NT5M: variants seen among roughly 807,000 people sequenced by gnomAD.
The protein encoded by NT5M is 5',3'-nucleotidase, mitochondrial.
NT5M carries 22 observed loss-of-function variants against 22.2 expected under a neutral mutation model. The observed-to-expected ratio is 0.99, with a 90% CI of 0.71 to 1.41. NT5M has a LOEUF of 1.41. Ranked by LOEUF, NT5M falls within the 40% of genes most tolerant of loss-of-function variation. The probability of loss-of-function intolerance (pLI) is 0.00; values close to 1 mark genes in which losing one functional copy is unlikely to be tolerated. For missense variants in NT5M, 322 were observed against 314.8 expected, an observed-to-expected ratio of 1.02 and a Z score of -0.17; for synonymous variants, 167 against 133.0, an observed-to-expected ratio of 1.26 and a Z score of -1.76.
At chr17:17,310,472 T>G (rs1045284302) in intron 2 of NT5M, among the ~76,000 whole-genome samples, 2 of 152,084 alleles carry the variant, frequency 1.3e-5, no homozygotes, top group Non-Finnish European at 2.9e-5. Flanking sequence ...GACAAACCAA[T>G]TGAAAACCTC....
At chr17:17,320,045 T>G (rs1425553954) in intron 2 of NT5M, among the ~76,000 whole-genome samples, 1 of 152,228 alleles carries the variant, frequency 6.6e-6, no homozygotes, top group Non-Finnish European at 1.5e-5. Context: ...TTTCACCATG[T>G]TGACCAGGCT....
intron 3 of NT5M, among the ~76,000 whole-genome samples, chr17:17,344,449 A>AGGTGGCAGG (rs1376970997): frequency 6.6e-6 from 1 of 152,152 alleles, no homozygotes; most frequent in East Asian, 1.9e-4. Flanking sequence ...GTGGCCCAGC[A>AGGTGGCAGG]GGTGGCAGGG....
rs757556042 is a variant in NT5M at position 17,303,796 on chromosome 17, CCGCCTGCGGCCAGGGCTGAG to C, written c.249_267+1del. 1.3e-6 allele frequency: 2 copies of C among 1,543,108 alleles called. No homozygotes were observed. The highest frequency in any genetic ancestry group is 5.0e-5 in the East Asian group (2 of 39,638). On this transcript the variant is annotated frameshift_variant and splice_region_variant, in exon 1 of 5. Coordinates refer to ENST00000389022, the MANE Select transcript of NT5M (RefSeq NM_020201.4). LOFTEE classifies it high-confidence loss of function. The stretch of plus-strand genomic sequence containing the variant: ...GCTTCTGGGTGTCGGAGCAGTACGG[CCGCCTGCGGCCAGGGCTGAG>C]CGTGAGCGTCCCCGCCCCGCCCCGC...
chr17:17,318,526 G>A (rs2049082066), intron 2 of NT5M, among the ~76,000 whole-genome samples: 1 of 142,368 alleles, frequency 7.0e-6, no homozygotes. Context: ...TGGCTCAAGT[G>A]TGTAATCCCA....
chr17:17,312,055 C>T (rs2145332505), intron 2 of NT5M, among the ~76,000 whole-genome samples: 1 of 152,300 alleles, frequency 6.6e-6, no homozygotes, highest in South Asian at 2.1e-4. Flanking sequence ...AATCTCATTC[C>T]CAGATGTCAG....
intron 2 of NT5M, among the ~76,000 whole-genome samples, chr17:17,313,743 GCAGGCAGGAACTGCTGCTCC>G (rs2048967325): frequency 6.6e-6 from 1 of 152,238 alleles, no homozygotes; most frequent in Non-Finnish European, 1.5e-5. Context: ...GCTCAGGCAG[GCAGGCAGGAACTGCTGCTCC>G]CCGGGAGGCC....
At chr17:17,330,852 C>T (rs1259497600) in intron 3 of NT5M, among the ~76,000 whole-genome samples, 3 of 150,776 alleles carry the variant, frequency 2.0e-5, no homozygotes, top group Non-Finnish European at 2.9e-5. Flanking sequence ...ACGCCATTCT[C>T]CTGCCTCAGC....
At chr17:17,343,658 G>C (rs569753384) in intron 3 of NT5M, among the ~76,000 whole-genome samples, 1 of 152,180 alleles carries the variant, frequency 6.6e-6, no homozygotes. Context: ...GGGTGGCAGA[G>C]CCCTGAGCTC....
rs1379074465 is a variant in NT5M, at chr17:17,344,845, CTGACCA to C, written c.482_487del (p.Leu161_Thr162del). 6.2e-7 allele frequency: 1 copy of C among 1,614,232 alleles called. No individual in the cohort carries two copies. Among genetic ancestry groups the C allele is most frequent in the Admixed American group, 1.7e-5 (1 of 60,026 alleles). On this transcript the variant is annotated inframe_deletion, in exon 4 of 5. Coordinates refer to ENST00000389022, the MANE Select transcript of NT5M (RefSeq NM_020201.4). ...CCCTGACTTTCTGGAGCAGATTGTGCTGACCAGAGACAAGACCGTGGTCTCTGCTGA... is the reference window on the plus strand; with the variant it reads ...CCCTGACTTTCTGGAGCAGATTGTGCGAGACAAGACCGTGGTCTCTGCTGA...
intron 1 of NT5M, among the ~76,000 whole-genome samples, chr17:17,305,826 G>A (rs1201418966): frequency 1.3e-5 from 2 of 152,090 alleles, no homozygotes; most frequent in Non-Finnish European, 2.9e-5. Flanking sequence ...TGGGGAGTGG[G>A]GAGGAGAGGG....
rs1403034985 is a variant in NT5M at position 17,303,803 on chromosome 17, C to T, written c.253C>T (p.Arg85Trp). 3.3e-6 allele frequency: 5 copies of T among 1,522,720 alleles called. No homozygotes were observed. Among genetic ancestry groups the T allele is most frequent in the African/African-American group, 1.4e-5 (1 of 70,302 alleles). 94.3% of individuals were successfully genotyped at this position (1,522,720 alleles called of 1,614,324 possible). Residue 85 changes from arginine to tryptophan, a missense_variant, in exon 1 of 5, where the codon CGG becomes TGG. Physicochemically the swap from Arg to Trp is moderately radical, Grantham distance 101. Transcript: ENST00000389022. The part of the protein sequence containing the change: ...FWVSEQYGRL[R>W]PGLSEKAISI... ...GGTGTCGGAGCAGTACGGCCGCCTGCGGCCAGGGCTGAGCGTGAGCGTCCC... is the reference window on the plus strand; with the variant it reads ...GGTGTCGGAGCAGTACGGCCGCCTGTGGCCAGGGCTGAGCGTGAGCGTCCC...
chr17:17,309,150 G>T (rs2048872417), intron 2 of NT5M, among the ~76,000 whole-genome samples: 1 of 150,066 alleles, frequency 6.7e-6, no homozygotes, highest in African/African-American at 2.5e-5. Flanking sequence ...TTGAGACAGG[G>T]TCTTGCCCTA....
chr17:17,337,479 A>G (rs1173001539), intron 3 of NT5M, among the ~76,000 whole-genome samples: 1 of 150,696 alleles, frequency 6.6e-6, no homozygotes, highest in African/African-American at 2.4e-5. Context: ...ATCATGGCTC[A>G]CTGCAGCCTT....
At chr17:17,333,189 G>T (rs976409055) in intron 3 of NT5M, among the ~76,000 whole-genome samples, 1 of 152,190 alleles carries the variant, frequency 6.6e-6, no homozygotes, top group African/African-American at 2.4e-5. Context: ...GTTTCTCATT[G>T]AGTTGTTTGT....
At chr17:17,345,186 A>T in intron 4 of NT5M, 2 of 1,148,030 alleles carry the variant, frequency 1.7e-6, no homozygotes, top group Non-Finnish European at 2.2e-6. Context: ...TTCCTCATGT[A>T]ACATGGGGAC....
intron 3 of NT5M, among the ~76,000 whole-genome samples, chr17:17,326,974 C>T (rs562389000): frequency 3.3e-5 from 5 of 152,064 alleles, no homozygotes; most frequent in South Asian, 2.1e-4. Flanking sequence ...TGCAGTGGTG[C>T]GATCTCGGCT....
intron 3 of NT5M, among the ~76,000 whole-genome samples, chr17:17,335,344 G>A (rs1030302126): frequency 6.6e-6 from 1 of 151,518 alleles, no homozygotes. Context: ...TGCAAGCTCC[G>A]CCTCCTGGGT....
chr17:17,321,651 G>A (rs1050559531), intron 2 of NT5M, among the ~76,000 whole-genome samples: 3 of 152,004 alleles, frequency 2.0e-5, no homozygotes, highest in Non-Finnish European at 4.4e-5. Flanking sequence ...AACTGATGAT[G>A]TGAATTTTCT....
chr17:17,346,956 G>C lies in NT5M; in HGVS notation c.*9G>C. The C allele has an allele frequency of 6.2e-7, 1 of 1,610,388 alleles. No individual in the cohort carries two copies. The highest frequency in any genetic ancestry group is 8.5e-7 in the Non-Finnish European group (1 of 1,179,836). ...GCAAGCGGCCCTGCTGAGCTGGACT[G>C]TGCTTCGGGCTCCTCTGTGGGGCTC... On this transcript the variant is annotated 3_prime_UTR_variant, in exon 5 of 5. Coordinates refer to ENST00000389022, the MANE Select transcript of NT5M (RefSeq NM_020201.4).
Sources: gnomAD v4.1 joint callset for allele counts (sites outside exome capture counted in the v4.1 genomes callset) on GRCh38, gnomAD v4.1.1 for gene constraint, MANE v1.5 for transcripts, NCBI Gene and HGNC (gene_info 2026-07-23, HGNC 2026-07-21) for gene names.